Variants in CTNNA2 observed in about 807,000 individuals in gnomAD.
CTNNA2 encodes catenin alpha-2.
In CTNNA2, 42 loss-of-function variants were observed where a neutral mutation model predicts 101.0. The ratio of observed to expected loss-of-function variants is 0.42; its 90% CI spans 0.32 to 0.54. The LOEUF (loss-of-function observed/expected upper bound fraction) is 0.54. Ranked by LOEUF, CTNNA2 falls within the 20% of genes least tolerant of loss-of-function variation. The probability of loss-of-function intolerance (pLI) is 0.14; values close to 1 mark genes in which losing one functional copy is unlikely to be tolerated. For missense variants in CTNNA2, 871 were observed against 1,223.1 expected (o/e 0.71, Z 4.29); for synonymous variants, 450 against 456.4 (o/e 0.99, Z 0.18).
chr2:80,182,809 C>G (rs1407618415), intron 7 of CTNNA2, among the ~76,000 whole-genome samples: 3 of 152,078 alleles, frequency 2.0e-5, no homozygotes, highest in Admixed American at 6.5e-5. Flanking sequence ...AGTGAAAAAG[C>G]CCTACAGTGG....
At position 79,513,082 on chromosome 2, in the gene CTNNA2, C is replaced by G. The variant is rs1671608958; in HGVS notation, c.-131C>G. The stretch of plus-strand genomic sequence containing the variant: ...GGCGGCACCGCACCTCGGCCAGAGG[C>G]GGCTGCAGCAGCTGCTGCCCTTGTC... On this transcript the variant is annotated 5_prime_UTR_variant, in exon 1 of 19. Transcript: ENST00000402739. 1 of 152,172 alleles carries G rather than the reference C, an allele frequency of 6.6e-6. No homozygotes were observed. The highest frequency in any genetic ancestry group is 1.5e-5 in the Non-Finnish European group (1 of 68,068). 9.4% of individuals were successfully genotyped at this position (152,172 alleles called of 1,614,324 possible). A position where few individuals can be genotyped will look rare whatever the true frequency, so the allele number is the denominator to read the frequency against.
At chr2:80,213,627 C>T (rs1330283696) in intron 7 of CTNNA2, among the ~76,000 whole-genome samples, 1 of 152,174 alleles carries the variant, frequency 6.6e-6, no homozygotes, top group Admixed American at 6.5e-5. Context: ...GAGTGCTTTA[C>T]TTCCAACTGT....
intron 7 of CTNNA2, among the ~76,000 whole-genome samples, chr2:80,033,533 C>G (rs1295399271): frequency 6.6e-6 from 1 of 152,150 alleles, no homozygotes; most frequent in East Asian, 1.9e-4. Flanking sequence ...GACCCGTGAT[C>G]AGGCCACTGC....
chr2:80,129,996 C>T (rs1702328069), intron 7 of CTNNA2, among the ~76,000 whole-genome samples: 1 of 152,032 alleles, frequency 6.6e-6, no homozygotes, highest in African/African-American at 2.4e-5. Context: ...TTGCTCAGAG[C>T]ACTGAGATAA....
At chr2:79,453,726 T>C (rs1320712442) in intron 4 of CTNNA2, among the ~76,000 whole-genome samples, 1 of 152,126 alleles carries the variant, frequency 6.6e-6, no homozygotes, top group Non-Finnish European at 1.5e-5. Context: ...AGCTTAGTAT[T>C]CTGCCAACCT....
chr2:80,103,972 G>C (rs952297723), intron 7 of CTNNA2, among the ~76,000 whole-genome samples: 5 of 152,186 alleles, frequency 3.3e-5, no homozygotes, highest in African/African-American at 1.2e-4. Flanking sequence ...GACCTCAGGT[G>C]ATCCACCCTC....
chr2:79,714,662 A>G (rs1382531169), intron 2 of CTNNA2, among the ~76,000 whole-genome samples: 1 of 152,134 alleles, frequency 6.6e-6, no homozygotes, highest in Non-Finnish European at 1.5e-5. Flanking sequence ...ATCATCTTCA[A>G]GGATATCTGT....
intron 3 of CTNNA2, among the ~76,000 whole-genome samples, chr2:79,348,054 CAGAATATGGCCAAG>C (rs1419799709): frequency 6.6e-6 from 1 of 151,996 alleles, no homozygotes; most frequent in Non-Finnish European, 1.5e-5. Context: ...ATAGGTGGCT[CAGAATATGGCCAAG>C]ATCCTTTAAA....
chr2:79,304,367 A>T (rs2104393282), intron 2 of CTNNA2, among the ~76,000 whole-genome samples: 1 of 152,334 alleles, frequency 6.6e-6, no homozygotes, highest in Non-Finnish European at 1.5e-5. Flanking sequence ...CCAGAACAGT[A>T]TCTTAGTATT....
chr2:79,266,288 T>C (rs149761108), intron 2 of CTNNA2, among the ~76,000 whole-genome samples: 35 of 152,256 alleles, frequency 2.3e-4, no homozygotes, highest in African/African-American at 7.0e-4. Flanking sequence ...AAGCAGTGAC[T>C]TCTGGGATCT....
intron 7 of CTNNA2, among the ~76,000 whole-genome samples, chr2:79,968,904 C>T (rs1018989461): frequency 1.3e-5 from 2 of 151,992 alleles, no homozygotes; most frequent in African/African-American, 4.8e-5. Context: ...TCCAACTACC[C>T]CTTTTTGTAT....
chr2:80,617,169 A>G (rs561109230), intron 17 of CTNNA2, among the ~76,000 whole-genome samples: 3 of 151,910 alleles, frequency 2.0e-5, no homozygotes, highest in South Asian at 4.1e-4. Flanking sequence ...TAAATTTTTT[A>G]TGAGATGATC....
intron 2 of CTNNA2, among the ~76,000 whole-genome samples, chr2:79,201,092 C>T (rs951842447): frequency 2.6e-5 from 4 of 152,030 alleles, no homozygotes; most frequent in East Asian, 1.9e-4. Flanking sequence ...ACATTTCCCC[C>T]CCCCTTTTTT....
intron 7 of CTNNA2, among the ~76,000 whole-genome samples, chr2:80,223,515 C>G (rs1166145758): frequency 1.3e-5 from 2 of 152,166 alleles, no homozygotes; most frequent in Non-Finnish European, 2.9e-5. Flanking sequence ...CTCAGGTGAT[C>G]TGCCTGCCTT....
At chr2:79,346,946 T>C (rs1426187120) in intron 3 of CTNNA2, among the ~76,000 whole-genome samples, 1 of 152,144 alleles carries the variant, frequency 6.6e-6, no homozygotes, top group Non-Finnish European at 1.5e-5. Context: ...CTCCAAAATG[T>C]GGGAAGGCAG....
intron 1 of CTNNA2, among the ~76,000 whole-genome samples, chr2:79,526,670 A>G (rs181268771): frequency 6.6e-6 from 1 of 152,224 alleles, no homozygotes; most frequent in Admixed American, 6.6e-5. Flanking sequence ...AAATAAACCC[A>G]TATATTTATG....
chr2:80,548,051 A>G (rs1278719220), intron 11 of CTNNA2, among the ~76,000 whole-genome samples: 1 of 152,116 alleles, frequency 6.6e-6, no homozygotes, highest in Non-Finnish European at 1.5e-5. Context: ...TAATCTTGTA[A>G]AAGATACCTC....
intron 3 of CTNNA2, among the ~76,000 whole-genome samples, chr2:79,788,675 A>G (rs201933874): frequency 6.6e-6 from 1 of 152,220 alleles, no homozygotes; most frequent in East Asian, 1.9e-4. Flanking sequence ...ATACATATGT[A>G]TACATGCACA....
intron 4 of CTNNA2, among the ~76,000 whole-genome samples, chr2:79,468,773 A>G (rs1472352260): frequency 1.3e-5 from 2 of 152,236 alleles, no homozygotes. Flanking sequence ...CTGCTCCTGA[A>G]TGATTACTGG....
Sources: allele counts gnomAD v4.1 joint callset (sites outside exome capture counted in the v4.1 genomes callset), GRCh38; gene constraint gnomAD v4.1.1; transcripts MANE v1.5; gene names NCBI Gene and HGNC (gene_info 2026-07-23, HGNC 2026-07-21).